Variants in DOP1A observed in about 807,000 individuals in gnomAD.
The protein encoded by DOP1A is protein DOP1A.
DOP1A carries 90 observed loss-of-function variants against 267.6 expected under a neutral mutation model. The observed-to-expected ratio is 0.34, with a 90% CI of 0.28 to 0.40. The LOEUF is 0.40. Ranked by LOEUF, DOP1A falls within the 10% of genes least tolerant of loss-of-function variation. DOP1A has a pLI of 1.00. For missense variants in DOP1A, 2,437 were observed against 2,900.4 expected (o/e 0.84, Z 3.67); for synonymous variants, 932 against 999.1 (o/e 0.93, Z 1.27).
intron 1 of DOP1A, among the ~76,000 whole-genome samples, chr6:83,082,150 A>G (rs1041909500): frequency 6.6e-6 from 1 of 152,184 alleles, no homozygotes; most frequent in Non-Finnish European, 1.5e-5. Flanking sequence ...CTACCATATG[A>G]TTCTGTAATC....
intron 1 of DOP1A, among the ~76,000 whole-genome samples, chr6:83,072,582 C>T (rs4515348): frequency 0.77 from 117,865 of 152,094 alleles, 45,744 homozygotes; most frequent in Middle Eastern, 0.83. Flanking sequence ...GGGAGCAGTA[C>T]AGAAGCAATA....
chr6:83,162,371 T>C (rs886748962), intron 37 of DOP1A, among the ~76,000 whole-genome samples: 30 of 152,122 alleles, frequency 2.0e-4, no homozygotes, highest in African/African-American at 7.2e-4. Flanking sequence ...CTAGGGAACA[T>C]TTGGCCAGTT....
chr6:83,107,724 C>G (rs1313962590), intron 4 of DOP1A, among the ~76,000 whole-genome samples: 2 of 152,032 alleles, frequency 1.3e-5, no homozygotes, highest in Non-Finnish European at 2.9e-5. Context: ...TAGGCTGAGG[C>G]CTGAAAGTTT....
chr6:83,104,600 G>T (rs891429867), intron 4 of DOP1A, among the ~76,000 whole-genome samples: 1 of 152,052 alleles, frequency 6.6e-6, no homozygotes, highest in Non-Finnish European at 1.5e-5. Context: ...GGTTTTATCT[G>T]AAATTTATCT....
At chr6:83,079,326 G>T (rs889191850) in intron 1 of DOP1A, among the ~76,000 whole-genome samples, 2 of 151,886 alleles carry the variant, frequency 1.3e-5, no homozygotes, top group East Asian at 1.9e-4. Flanking sequence ...TTTTTCTTAT[G>T]ATTTTACTTT....
chr6:83,127,457 A>G (rs1039850882), intron 15 of DOP1A, among the ~76,000 whole-genome samples: 6 of 152,292 alleles, frequency 3.9e-5, no homozygotes, highest in African/African-American at 2.4e-5. Flanking sequence ...AGATGCAGCT[A>G]TAAGATAGGC....
rs116423995 is a variant in DOP1A, at chr6:83,078,090, C to T, written c.-147+10311C>T. On this transcript the variant is annotated intron_variant, in intron 1 of 38. Transcript: ENST00000349129. ...ATTTAATAGAAAATTAAATTCTATC[C>T]ACAAAATTAATAGCATGTGTAAAGG... 2.4e-3 allele frequency among the ~76,000 whole-genome samples: 364 copies of T among 152,058 alleles called. 1 individual carries two copies. Among genetic ancestry groups the T allele is most frequent in the African/African-American group, 8.5e-3 (351 of 41,462 alleles).
At chr6:83,169,824 GACC>G, downstream of DOP1A, 2 of 457,412 alleles carry the variant, frequency 4.4e-6, no homozygotes, top group Non-Finnish European at 8.8e-6. Flanking sequence ...TAAAAATCCA[GACC>G]ACAAGTCTTG....
chr6:83,109,053 T>C lies in DOP1A; in HGVS notation c.464T>C (p.Leu155Ser), dbSNP rs767131769. Residue 155 changes from leucine (L) to serine (S), a missense_variant, in exon 5 of 39, where the codon TTA (leucine) becomes TCA (serine). Physicochemically the swap from Leu to Ser is moderately radical, Grantham distance 145. Coordinates refer to ENST00000349129, the MANE Select transcript of DOP1A (RefSeq NM_015018.4). ...QGLLTGILPGLEEGSEYYERT... is the reference protein window; with the variant it reads ...QGLLTGILPGSEEGSEYYERT... ...TTGCTTACTGGTATTCTTCCTGGCT[T>C]AGAAGAAGGATCAGAGTACTATGAG... The C allele has an allele frequency of 1.2e-6, 2 of 1,613,390 alleles. No individual in the cohort carries two copies. Among genetic ancestry groups the C allele is most frequent in the Middle Eastern group, 1.7e-4 (1 of 6,056 alleles).
intron 34 of DOP1A, among the ~76,000 whole-genome samples, chr6:83,156,498 A>G (rs1280135199): frequency 6.6e-6 from 1 of 152,194 alleles, no homozygotes; most frequent in Non-Finnish European, 1.5e-5. Context: ...GGAGATCTGT[A>G]ATTTGGGGAC....
chr6:83,165,716 C>T (rs1337238034), intron 38 of DOP1A: 4 of 225,526 alleles, frequency 1.8e-5, no homozygotes, highest in South Asian at 6.0e-5. Flanking sequence ...GTGAATATGG[C>T]AGATGAGGCA....
At chr6:83,068,697 T>C (rs1426586970) in intron 1 of DOP1A, among the ~76,000 whole-genome samples, 1 of 152,222 alleles carries the variant, frequency 6.6e-6, no homozygotes, top group Non-Finnish European at 1.5e-5. Context: ...CATTTTAATT[T>C]TGTTTGTGGG....
intron 23 of DOP1A, 128 bp downstream of exon 23, chr6:83,140,531 C>A: frequency 1.2e-6 from 1 of 810,760 alleles, no homozygotes; most frequent in Non-Finnish European, 1.8e-6. Context: ...TAATTTTTAA[C>A]AGTTTTCCTG....
At chr6:83,153,777 G>T in intron 31 of DOP1A, 117 bp from the exon 32 acceptor site, 1 of 1,225,172 alleles carries the variant, frequency 8.2e-7, no homozygotes, top group East Asian at 2.5e-5. Flanking sequence ...TTCTTATGGT[G>T]CTTTCTATTT....
At position 83,125,784 on chromosome 6, in the gene DOP1A, C is replaced by T. The variant is rs754267773; in HGVS notation, c.1719+51C>T. 2.8e-6 allele frequency: 4 copies of T among 1,446,538 alleles called. No homozygotes were observed. The East Asian group carries it at 9.5e-5, about 34-fold the overall frequency. 89.6% of individuals were successfully genotyped at this position (1,446,538 alleles called of 1,614,324 possible). A position where few individuals can be genotyped will look rare whatever the true frequency, so the allele number is the denominator to read the frequency against. On this transcript the variant is annotated intron_variant, in intron 15 of 38. Transcript: ENST00000349129. ...TTAGACTGTTCATATTTCTTCAAAG[C>T]AGAACAGTTACTTAGTAAAATCACT...
chr6:83,136,701 C>T (rs16881367), intron 20 of DOP1A, among the ~76,000 whole-genome samples: 2,942 of 152,064 alleles, frequency 0.019, 109 homozygotes, highest in African/African-American at 0.067. Context: ...TTTGCATTAC[C>T]CTGCTTATTG....
At chr6:83,104,692 G>GTTTT (rs1477022860) in intron 4 of DOP1A, among the ~76,000 whole-genome samples, 1 of 151,984 alleles carries the variant, frequency 6.6e-6, no homozygotes, top group African/African-American at 2.4e-5. Flanking sequence ...GTTTTAATAA[G>GTTTT]TTTTTTCTCT....
chr6:83,148,997 T>G lies in DOP1A; in HGVS notation c.5837+134T>G, dbSNP rs2128314910. On this transcript the variant is annotated intron_variant, in intron 27 of 38. Transcript: ENST00000349129. ...TCATAGTGTTCTTGAGATGCAAAAC[T>G]AGATGTATAAGGCCTGTTTAAGAAA... 7.8e-6 allele frequency: 4 copies of G among 510,494 alleles called. No homozygotes were observed. In the East Asian group the frequency reaches 1.1e-4, roughly 14 times the overall value. 31.6% of individuals were successfully genotyped at this position (510,494 alleles called of 1,614,324 possible).
chr6:83,079,677 A>G (rs1038377803), intron 1 of DOP1A, among the ~76,000 whole-genome samples: 5 of 152,148 alleles, frequency 3.3e-5, no homozygotes, highest in Admixed American at 6.5e-5. Context: ...TTAACTTAAT[A>G]TGGGTTTAAT....
Sources: allele counts gnomAD v4.1 joint callset (sites outside exome capture counted in the v4.1 genomes callset), GRCh38; gene constraint gnomAD v4.1.1; transcripts MANE v1.5; gene names NCBI Gene and HGNC (gene_info 2026-07-23, HGNC 2026-07-21).